GRIP1: variants seen among roughly 807,000 people sequenced by gnomAD.
GRIP1 encodes the protein glutamate receptor-interacting protein 1.
A neutral mutation model predicts 129.9 loss-of-function variants in GRIP1; 45 were observed. The observed-to-expected ratio is 0.35, with a 90% CI of 0.27 to 0.44. The LOEUF (loss-of-function observed/expected upper bound fraction) is 0.44, where lower values mean the gene tolerates loss of function less well. Ranked by LOEUF, GRIP1 falls within the 20% of genes least tolerant of loss-of-function variation. GRIP1 has a pLI of 1.00. For missense variants in GRIP1, 1,196 were observed against 1,396.8 expected (o/e 0.86, Z 2.29); for synonymous variants, 530 against 520.8 (o/e 1.02, Z -0.24).
At chr12:66,354,647 T>G (rs564585218) in intron 23 of GRIP1, among the ~76,000 whole-genome samples, 1 of 152,302 alleles carries the variant, frequency 6.6e-6, no homozygotes, top group South Asian at 2.1e-4. Flanking sequence ...ATATTTGTTT[T>G]TACACAACTA....
chr12:66,528,143 T>TTTGTTTTTTTG lies in GRIP1; in HGVS notation c.502+1687_502+1688insCAAAAAAACAA, dbSNP rs61029207. ...ACTTTAGAATTAGTAGGTTTTTTTT[T>TTTGTTTTTTTG]TTTTTTTTTGAGATGGAGTCTGGCT... On this transcript the variant is annotated intron_variant, in intron 5 of 24. Coordinates refer to ENST00000359742, the MANE Select transcript of GRIP1 (RefSeq NM_001366722.1). Among the ~76,000 whole-genome samples, 8 of 124,690 alleles carry TTTGTTTTTTTG rather than the reference T, an allele frequency of 6.4e-5. No homozygotes were observed. In the South Asian group the frequency reaches 8.2e-4, roughly 13 times the overall value. 81.8% of individuals were successfully genotyped at this position (124,690 alleles called of 152,430 possible).
At chr12:66,702,369 C>A (rs1169876140) in intron 1 of GRIP1, among the ~76,000 whole-genome samples, 2 of 152,142 alleles carry the variant, frequency 1.3e-5, no homozygotes, top group East Asian at 3.9e-4. Context: ...AATTTGGGAT[C>A]TCTTATGCTA....
At chr12:66,940,513 G>A (rs1169855169) in intron 1 of GRIP1, among the ~76,000 whole-genome samples, 1 of 152,072 alleles carries the variant, frequency 6.6e-6, no homozygotes, top group Non-Finnish European at 1.5e-5. Context: ...TTCTCCTAAA[G>A]GTGGCAGTGC....
At chr12:66,440,608 G>A (rs935183984) in intron 13 of GRIP1, among the ~76,000 whole-genome samples, 7 of 152,100 alleles carry the variant, frequency 4.6e-5, no homozygotes, top group African/African-American at 1.7e-4. Flanking sequence ...AAATTCATAA[G>A]AGGTCTTCTA....
At chr12:66,403,790 G>T (rs917544497) in intron 16 of GRIP1, among the ~76,000 whole-genome samples, 1 of 152,208 alleles carries the variant, frequency 6.6e-6, no homozygotes, top group Admixed American at 6.5e-5. Context: ...GGGGGAAAAT[G>T]AGGCAAAGGA....
intron 1 of GRIP1, among the ~76,000 whole-genome samples, chr12:66,750,624 A>G (rs2037096225): frequency 6.6e-6 from 1 of 152,198 alleles, no homozygotes. Flanking sequence ...TTAATCCCAG[A>G]GGCAACAGGG....
intron 1 of GRIP1, among the ~76,000 whole-genome samples, chr12:66,987,483 C>T (rs767204552): frequency 3.3e-5 from 5 of 152,178 alleles, no homozygotes; most frequent in African/African-American, 4.8e-5. Context: ...GAGTAGAATG[C>T]TAAGCTTCTC....
rs557574618 is a variant in GRIP1, at chr12:66,418,645, C to A, written c.1838+2075G>T. 9.9e-5 allele frequency among the ~76,000 whole-genome samples: 15 copies of A among 152,138 alleles called. No homozygotes were observed. The South Asian group carries it at 3.1e-3, about 32-fold the overall frequency. ...AAAATGGCCAAAATATTTGAATAGT[C>A]ATTTCTCAAAAGAAGACATACAAAT... is the stretch of plus-strand genomic sequence containing the variant. On this transcript the variant is annotated intron_variant, in intron 15 of 24. Transcript: ENST00000359742.
intron 1 of GRIP1, among the ~76,000 whole-genome samples, chr12:66,980,794 T>C (rs961497866): frequency 2.6e-5 from 4 of 152,306 alleles, no homozygotes; most frequent in East Asian, 3.9e-4. Flanking sequence ...CAGCATGCAA[T>C]AGTGTCTCTA....
At chr12:66,449,001 C>T (rs1251844287) in intron 11 of GRIP1, among the ~76,000 whole-genome samples, 1 of 152,204 alleles carries the variant, frequency 6.6e-6, no homozygotes, top group Non-Finnish European at 1.5e-5. Flanking sequence ...TGCCCCAACC[C>T]TCTTGACACA....
intron 1 of GRIP1, among the ~76,000 whole-genome samples, chr12:66,982,387 C>A (rs139989900): frequency 7.0e-4 from 107 of 152,276 alleles, no homozygotes; most frequent in African/African-American, 2.6e-3. Context: ...TATTCCCCTC[C>A]AGTTGAGCAT....
chr12:66,915,562 G>A (rs113301018), intron 1 of GRIP1, among the ~76,000 whole-genome samples: 368 of 152,312 alleles, frequency 2.4e-3, no homozygotes, highest in African/African-American at 8.4e-3. Context: ...GCAGAGTGAC[G>A]GAATCGACAC....
At chr12:66,977,389 TATAAC>T (rs1177359050) in intron 1 of GRIP1, among the ~76,000 whole-genome samples, 3 of 152,220 alleles carry the variant, frequency 2.0e-5, no homozygotes, top group Admixed American at 6.5e-5. Flanking sequence ...CATTAAGTTC[TATAAC>T]ATAACTCTTT....
chr12:66,656,341 C>T (rs1048334564), intron 1 of GRIP1, among the ~76,000 whole-genome samples: 2 of 151,964 alleles, frequency 1.3e-5, no homozygotes, highest in African/African-American at 4.8e-5. Flanking sequence ...TGGGAGATTT[C>T]CCATTTTAAA....
chr12:66,784,341 T>C (rs1269788397), intron 1 of GRIP1, among the ~76,000 whole-genome samples: 1 of 152,200 alleles, frequency 6.6e-6, no homozygotes, highest in Non-Finnish European at 1.5e-5. Flanking sequence ...TGATTATCTA[T>C]TATTTGCACA....
intron 1 of GRIP1, among the ~76,000 whole-genome samples, chr12:67,065,767 A>G (rs1395920986): frequency 6.6e-6 from 1 of 152,218 alleles, no homozygotes; most frequent in African/African-American, 2.4e-5. Flanking sequence ...TTAATTACAG[A>G]AGCATCTATC....
chr12:66,405,369 C>G (rs192646422), intron 16 of GRIP1, among the ~76,000 whole-genome samples: 1 of 152,208 alleles, frequency 6.6e-6, no homozygotes, highest in Admixed American at 6.5e-5. Context: ...TAATTCCCCA[C>G]ATTAGCTGAC....
chr12:66,704,124 A>G (rs1457165569), intron 1 of GRIP1, among the ~76,000 whole-genome samples: 2 of 152,148 alleles, frequency 1.3e-5, no homozygotes, highest in Non-Finnish European at 2.9e-5. Context: ...GAAATTGACT[A>G]ACTACTCCAA....
intron 1 of GRIP1, among the ~76,000 whole-genome samples, chr12:66,873,823 T>C (rs1016823629): frequency 3.3e-5 from 5 of 152,072 alleles, no homozygotes; most frequent in Admixed American, 2.0e-4. Context: ...TTTCCTATAG[T>C]TTTATAGATG....
Sources: allele counts gnomAD v4.1 joint callset (sites outside exome capture counted in the v4.1 genomes callset), GRCh38; gene constraint gnomAD v4.1.1; transcripts MANE v1.5; gene names NCBI Gene and HGNC (gene_info 2026-07-23, HGNC 2026-07-21).